The following PDIA5 variants were observed in gnomAD, a reference collection of about 807,000 sequenced individuals.
PDIA5 encodes protein disulfide isomerase family A member 5.
In PDIA5, 58 loss-of-function variants were observed where a neutral mutation model predicts 77.6. That is an observed-to-expected ratio of 0.75 (90% CI 0.61 to 0.93). PDIA5 has a LOEUF of 0.93. Ranked by LOEUF, PDIA5 falls within the 40% of genes least tolerant of loss-of-function variation. The pLI is 0.00. For missense variants in PDIA5, 630 were observed against 647.7 expected (o/e 0.97, Z 0.30); for synonymous variants, 250 against 252.1 (o/e 0.99, Z 0.08).
At chr3:123,151,803 GCCT>G (rs1935906992) in intron 14 of PDIA5, among the ~76,000 whole-genome samples, 1 of 110,210 alleles carries the variant, frequency 9.1e-6, no homozygotes, top group Non-Finnish European at 1.8e-5. Flanking sequence ...CTGCCTGCCT[GCCT>G]TCCTGCCTGC....
At chr3:123,111,608 T>C (rs935060449) in intron 7 of PDIA5, among the ~76,000 whole-genome samples, 3 of 152,246 alleles carry the variant, frequency 2.0e-5, no homozygotes, top group Admixed American at 1.3e-4. Flanking sequence ...GCTGTGCCAC[T>C]GCAAGCCGGG....
chr3:123,125,011 T>C (rs1935209204), intron 10 of PDIA5, among the ~76,000 whole-genome samples: 1 of 152,208 alleles, frequency 6.6e-6, no homozygotes, highest in Non-Finnish European at 1.5e-5. Context: ...TGTTGGCTCC[T>C]GCCTCCTTAC....
intron 8 of PDIA5, among the ~76,000 whole-genome samples, chr3:123,123,612 G>A (rs542227803): frequency 2.0e-5 from 3 of 152,256 alleles, no homozygotes; most frequent in Admixed American, 6.5e-5. Context: ...GTCTAAGGAC[G>A]TTGTACAGAG....
At chr3:123,157,259 G>C (rs549874218) in intron 15 of PDIA5, among the ~76,000 whole-genome samples, 4 of 152,164 alleles carry the variant, frequency 2.6e-5, no homozygotes, top group Non-Finnish European at 5.9e-5. Flanking sequence ...CATCTGGCCT[G>C]GGGGGCTGAA....
At chr3:123,146,408 C>T in intron 13 of PDIA5, 149 bp downstream of exon 13, 1 of 654,914 alleles carries the variant, frequency 1.5e-6, no homozygotes. Context: ...AACCCTAAAA[C>T]CACCGTTCAT....
intron 7 of PDIA5, among the ~76,000 whole-genome samples, chr3:123,115,700 C>G (rs1934979025): frequency 1.3e-5 from 2 of 152,254 alleles, no homozygotes; most frequent in African/African-American, 4.8e-5. Flanking sequence ...CACCATCAGC[C>G]TGCCTCTGGT....
At position 123,067,130 on chromosome 3, in the gene PDIA5, G is replaced by T; in HGVS notation, c.-35G>T. 8.0e-7 allele frequency: 1 copy of T among 1,242,850 alleles called. No individual in the cohort carries two copies. The allele number at this position is 1,242,850 out of a possible 1,614,324, so 77.0% of individuals were successfully genotyped here. A position where few individuals can be genotyped will look rare whatever the true frequency, so the allele number is the denominator to read the frequency against. ...GGCGGGCGGGAGCGGGCGCCGGAGT[G>T]GAGAAAGGAGCCAGCGGTGGGCAGC... On this transcript the variant is annotated 5_prime_UTR_variant, in exon 1 of 17. Coordinates refer to ENST00000316218, the MANE Select transcript of PDIA5 (RefSeq NM_006810.4).
intron 14 of PDIA5, 84 bp downstream of exon 14, chr3:123,150,448 G>A: frequency 7.3e-7 from 1 of 1,373,390 alleles, no homozygotes; most frequent in Non-Finnish European, 1.0e-6. Flanking sequence ...ACCCACCCCA[G>A]GGACCAAGGC....
In PDIA5 at chr3:123,142,266, C is replaced by T. The variant is rs528874831; in HGVS notation, c.911-3256C>T. 5.9e-5 allele frequency among the ~76,000 whole-genome samples: 9 copies of T among 152,346 alleles called. No individual in the cohort carries two copies. In the East Asian group the frequency reaches 1.4e-3, roughly 23 times the overall value. Reference sequence around the variant, plus strand: ...GCTCAGGGAAATACAAATAGCACTGCGTGCTTTTATGTTTCAGGTGCATCC... The same window carrying T: ...GCTCAGGGAAATACAAATAGCACTGTGTGCTTTTATGTTTCAGGTGCATCC... On this transcript the variant is annotated intron_variant, in intron 11 of 16. Coordinates refer to ENST00000316218, the MANE Select transcript of PDIA5 (RefSeq NM_006810.4).
chr3:123,148,825 C>A (rs1171135954), intron 13 of PDIA5, among the ~76,000 whole-genome samples: 1 of 152,190 alleles, frequency 6.6e-6, no homozygotes, highest in East Asian at 1.9e-4. Flanking sequence ...GGAGGGGATC[C>A]TTCAGGTGGA....
At chr3:123,104,944 G>T (rs1252799144) in intron 5 of PDIA5, among the ~76,000 whole-genome samples, 1 of 152,228 alleles carries the variant, frequency 6.6e-6, no homozygotes, top group Non-Finnish European at 1.5e-5. Context: ...TATGGGTGGG[G>T]TTATTCAGCT....
chr3:123,075,190 G>A (rs1043137743), intron 1 of PDIA5, among the ~76,000 whole-genome samples: 4 of 152,218 alleles, frequency 2.6e-5, no homozygotes, highest in Admixed American at 2.6e-4. Context: ...TGAGAATTAG[G>A]CTTTTAACAT....
chr3:123,086,590 C>T (rs1184906577), intron 1 of PDIA5, among the ~76,000 whole-genome samples: 1 of 152,160 alleles, frequency 6.6e-6, no homozygotes, highest in Non-Finnish European at 1.5e-5. Context: ...GCTATGGTTG[C>T]CCCTTTTTAT....
chr3:123,119,353 C>T (rs1013582444), intron 8 of PDIA5, among the ~76,000 whole-genome samples: 6 of 152,144 alleles, frequency 3.9e-5, no homozygotes, highest in South Asian at 2.1e-4. Context: ...AAGTCAGGGG[C>T]GTTGTCTGCA....
intron 1 of PDIA5, among the ~76,000 whole-genome samples, chr3:123,084,831 G>A (rs1277854818): frequency 6.6e-6 from 1 of 152,150 alleles, no homozygotes; most frequent in Non-Finnish European, 1.5e-5. Context: ...CTCCACGCGG[G>A]CAGCCACCCA....
chr3:123,117,374 T>TATATATATATATATATATATATA (rs1935019779), intron 8 of PDIA5, among the ~76,000 whole-genome samples: 4 of 79,876 alleles, frequency 5.0e-5, no homozygotes, highest in African/African-American at 1.9e-4. Context: ...TTCTATGATT[T>TATATATATATATATATATATATA]TATATATATA....
chr3:123,094,592 G>A (rs1028867467), intron 3 of PDIA5, among the ~76,000 whole-genome samples: 1 of 152,336 alleles, frequency 6.6e-6, no homozygotes, highest in Non-Finnish European at 1.5e-5. Context: ...GACAGCTCTC[G>A]CAGTTTTCCT....
intron 1 of PDIA5, among the ~76,000 whole-genome samples, chr3:123,085,811 G>T (rs1934123743): frequency 6.6e-6 from 1 of 152,224 alleles, no homozygotes; most frequent in Non-Finnish European, 1.5e-5. Context: ...CCGCTGGTCA[G>T]ATTATCTGAG....
chr3:123,137,673 G>A (rs889374042), intron 11 of PDIA5, among the ~76,000 whole-genome samples: 1 of 152,058 alleles, frequency 6.6e-6, no homozygotes, highest in Non-Finnish European at 1.5e-5. Flanking sequence ...AAGTAAGGAC[G>A]GGGAGACACC....
Sources: gnomAD v4.1 joint callset for allele counts (sites outside exome capture counted in the v4.1 genomes callset) on GRCh38, gnomAD v4.1.1 for gene constraint, MANE v1.5 for transcripts, NCBI Gene and HGNC (gene_info 2026-07-23, HGNC 2026-07-21) for gene names.